SHANK2: variants seen among roughly 807,000 people sequenced by gnomAD.
SHANK2 encodes the protein SH3 and multiple ankyrin repeat domains protein 2.
SHANK2 carries 43 observed loss-of-function variants against 133.7 expected under a neutral mutation model. The ratio of observed to expected loss-of-function variants is 0.32; its 90% CI spans 0.25 to 0.41. SHANK2 has a LOEUF of 0.41. Ranked by LOEUF, SHANK2 falls within the 10% of genes least tolerant of loss-of-function variation. SHANK2 has a pLI of 1.00. For missense variants in SHANK2, 1,994 were observed against 2,235.8 expected, an observed-to-expected ratio of 0.89 and a Z score of 2.18; for synonymous variants, 1,017 against 952.8, an observed-to-expected ratio of 1.07 and a Z score of -1.24.
chr11:70,711,603 C>T (rs1446471959), intron 14 of SHANK2, among the ~76,000 whole-genome samples: 2 of 151,760 alleles, frequency 1.3e-5, no homozygotes, highest in African/African-American at 4.8e-5. Flanking sequence ...GGCCTCCAGG[C>T]TCAGGACTCC....
At chr11:71,235,107 C>T (rs928149884) in intron 1 of SHANK2, among the ~76,000 whole-genome samples, 2 of 152,150 alleles carry the variant, frequency 1.3e-5, no homozygotes, top group African/African-American at 2.4e-5. Context: ...TCCTAATACC[C>T]TTAGAATTTC....
chr11:70,942,881 A>G (rs1024946201), intron 10 of SHANK2: 1 of 456,440 alleles, frequency 2.2e-6, no homozygotes, highest in Non-Finnish European at 4.4e-6. Context: ...GTTCACTTAC[A>G]TTTGTTACTG....
intron 11 of SHANK2, among the ~76,000 whole-genome samples, chr11:70,834,272 GAC>G (rs1555059382): frequency 6.6e-6 from 1 of 152,106 alleles, no homozygotes; most frequent in African/African-American, 2.4e-5. Context: ...TTCAGGGGAA[GAC>G]ACAGGGGAGC....
intron 14 of SHANK2, among the ~76,000 whole-genome samples, chr11:70,785,823 C>G (rs1255978898): frequency 1.3e-5 from 2 of 152,210 alleles, no homozygotes; most frequent in Admixed American, 6.5e-5. Context: ...GCTGCCCAAA[C>G]AAAAGCCGAG....
intron 1 of SHANK2, among the ~76,000 whole-genome samples, chr11:71,248,639 G>T (rs917061652): frequency 6.6e-6 from 1 of 152,184 alleles, no homozygotes; most frequent in African/African-American, 2.4e-5. Context: ...CTCGGTGAGA[G>T]TCTCACTACC....
At chr11:70,609,192 A>G (rs12802481) in intron 17 of SHANK2, among the ~76,000 whole-genome samples, 72,464 of 152,092 alleles carry the variant, frequency 0.48, 17,499 homozygotes, top group East Asian at 0.59. Flanking sequence ...CTGCTGAGGC[A>G]AGGCTCCGGG....
chr11:71,061,505 TCA>T, intron 9 of SHANK2, among the ~76,000 whole-genome samples: 1 of 152,298 alleles, frequency 6.6e-6, no homozygotes, highest in East Asian at 1.9e-4. Flanking sequence ...CTTCTGAGCC[TCA>T]GTTTCCTCCT....
intron 8 of SHANK2, among the ~76,000 whole-genome samples, chr11:71,076,581 G>T (rs2135988196): frequency 1.3e-5 from 2 of 150,158 alleles, no homozygotes; most frequent in East Asian, 3.9e-4. Context: ...ATTTACCATT[G>T]CTGTGTCTCC....
intron 17 of SHANK2, among the ~76,000 whole-genome samples, chr11:70,579,182 G>A (rs1177206813): frequency 6.6e-6 from 1 of 152,234 alleles, no homozygotes; most frequent in Non-Finnish European, 1.5e-5. Context: ...CCAAGGGCAT[G>A]GATGCATCCC....
At chr11:70,788,877 T>C (rs2135164360) in intron 14 of SHANK2, among the ~76,000 whole-genome samples, 1 of 152,294 alleles carries the variant, frequency 6.6e-6, no homozygotes. Flanking sequence ...GGTCGATTTC[T>C]GGGAGGAGGA....
rs1408647189 is a variant in SHANK2, at chr11:70,479,358, A to G, written c.4980-5919T>C. Among the ~76,000 whole-genome samples, 5 of 152,190 alleles carry G rather than the reference A, an allele frequency of 3.3e-5. No individual in the cohort carries two copies. The highest frequency in any genetic ancestry group is 1.2e-4 in the African/African-American group (5 of 41,448). The stretch of plus-strand genomic sequence containing the variant: ...TTGAAAATCAAGAGGCTGTCAGGAT[A>G]ATACTGCAGAGAGCCCAGTAGGGAC... On this transcript the variant is annotated intron_variant, in intron 25 of 25. Coordinates refer to ENST00000601538, the MANE Select transcript of SHANK2 (RefSeq NM_012309.5). The surrounding 1 kb of genome is among the most constrained non-coding windows in gnomAD (Gnocchi z 4.4).
chr11:70,510,808 G>T (rs941707879), intron 17 of SHANK2, among the ~76,000 whole-genome samples: 2 of 152,202 alleles, frequency 1.3e-5, no homozygotes, highest in Non-Finnish European at 2.9e-5. Flanking sequence ...GCTCCCAGCT[G>T]CCTTCCCCTT....
chr11:71,138,803 A>AG (rs1187714020), intron 3 of SHANK2, among the ~76,000 whole-genome samples: 14 of 126,258 alleles, frequency 1.1e-4, no homozygotes, highest in South Asian at 2.3e-4. Context: ...AAAAAAAAAA[A>AG]AAAAGAAAAG....
intron 2 of SHANK2, among the ~76,000 whole-genome samples, chr11:71,198,453 C>T (rs536591490): frequency 1.6e-4 from 25 of 152,312 alleles, no homozygotes; most frequent in Non-Finnish European, 2.2e-4. Flanking sequence ...AGGTCTCTAG[C>T]GGGGCCTCCA....
At chr11:71,093,476 G>A (rs782103707) in intron 7 of SHANK2, among the ~76,000 whole-genome samples, 1 of 152,018 alleles carries the variant, frequency 6.6e-6, no homozygotes, top group African/African-American at 2.4e-5. Flanking sequence ...TCATGGGGGC[G>A]GATTCTCAGG....
chr11:70,481,914 GC>G, intron 25 of SHANK2, among the ~76,000 whole-genome samples: 1 of 152,332 alleles, frequency 6.6e-6, no homozygotes, highest in Admixed American at 6.5e-5. Flanking sequence ...AGAGGAGACA[GC>G]CCTCACGGCA....
At chr11:70,519,320 G>T (rs556157479) in intron 17 of SHANK2, among the ~76,000 whole-genome samples, 9 of 152,204 alleles carry the variant, frequency 5.9e-5, no homozygotes, top group Non-Finnish European at 1.3e-4. Flanking sequence ...CAGTTTTCAT[G>T]TGAATGAGTC....
At chr11:70,847,595 C>T (rs1289035097) in intron 11 of SHANK2, among the ~76,000 whole-genome samples, 9 of 152,332 alleles carry the variant, frequency 5.9e-5, no homozygotes, top group Non-Finnish European at 1.2e-4. Flanking sequence ...AAAACCTGCC[C>T]GAGCATCTCT....
chr11:70,663,690 C>A (rs1944624714), intron 15 of SHANK2, among the ~76,000 whole-genome samples: 1 of 152,164 alleles, frequency 6.6e-6, no homozygotes, highest in Non-Finnish European at 1.5e-5. Flanking sequence ...GCCCCCTCCC[C>A]AGAGACAGCC....
Sources: gnomAD v4.1 joint callset for allele counts (sites outside exome capture counted in the v4.1 genomes callset) on GRCh38, gnomAD v4.1.1 for gene constraint, Gnocchi (gnomAD v3.1) non-coding constraint, MANE v1.5 for transcripts, NCBI Gene and HGNC (gene_info 2026-07-23, HGNC 2026-07-21) for gene names.